The following GOLM1 variants were observed in gnomAD, a reference collection of about 807,000 sequenced individuals.
The protein encoded by GOLM1 is epididymis luminal protein 46.
GOLM1 carries 31 observed loss-of-function variants against 50.5 expected under a neutral mutation model. That is an observed-to-expected ratio of 0.61 (90% CI 0.46 to 0.83). The LOEUF is 0.83. Ranked by LOEUF, GOLM1 falls within the 40% of genes least tolerant of loss-of-function variation. The pLI is 0.00. For missense variants in GOLM1, 491 were observed against 501.3 expected (o/e 0.98, Z 0.20); for synonymous variants, 178 against 192.8 (o/e 0.92, Z 0.64).
intron 4 of GOLM1, among the ~76,000 whole-genome samples, chr9:86,049,394 C>T (rs573786745): frequency 6.6e-6 from 1 of 152,114 alleles, no homozygotes; most frequent in Non-Finnish European, 1.5e-5. Flanking sequence ...GTAGTTTTTT[C>T]CAATTCTGTG....
At chr9:86,045,725 G>T (rs920211531) in intron 5 of GOLM1, among the ~76,000 whole-genome samples, 5 of 149,352 alleles carry the variant, frequency 3.3e-5, no homozygotes, top group African/African-American at 1.2e-4. Context: ...CGTACATAAC[G>T]CAAGTAAAAA....
chr9:86,088,427 T>TATATATATATATATATATATATATATAC (rs1587741485), intron 1 of GOLM1, among the ~76,000 whole-genome samples: 1 of 102,180 alleles, frequency 9.8e-6, no homozygotes, highest in East Asian at 6.2e-4. Flanking sequence ...GGTGTATATA[T>TATATATATATATATATATATATATATAC]ATATATATAT....
chr9:86,064,972 A>T (rs751337869), intron 3 of GOLM1, among the ~76,000 whole-genome samples: 1 of 152,200 alleles, frequency 6.6e-6, no homozygotes, highest in Non-Finnish European at 1.5e-5. Context: ...GGAGGCTAGA[A>T]TGTGGAACAG....
intron 3 of GOLM1, among the ~76,000 whole-genome samples, chr9:86,053,682 CCA>C (rs1564347599): frequency 6.3e-5 from 8 of 126,700 alleles, no homozygotes; most frequent in East Asian, 2.0e-4. Flanking sequence ...GCACACCACT[CCA>C]CACACACCAC....
chr9:86,029,136 C>T (rs1832888614), intron 9 of GOLM1, among the ~76,000 whole-genome samples: 1 of 152,120 alleles, frequency 6.6e-6, no homozygotes, highest in Non-Finnish European at 1.5e-5. Flanking sequence ...GGATTACAAG[C>T]GTGAGCAACC....
intron 3 of GOLM1, among the ~76,000 whole-genome samples, chr9:86,058,830 C>G: frequency 6.6e-6 from 1 of 152,010 alleles, no homozygotes; most frequent in South Asian, 2.1e-4. Flanking sequence ...AACCCCATCT[C>G]TACTAAAACT....
rs1554780976 is a variant in GOLM1 at position 86,026,542 on chromosome 9, A to G, written c.*1275T>C. 3.4e-6 allele frequency: 3 copies of G among 884,388 alleles called. No individual in the cohort carries two copies. The allele number at this position is 884,388 out of a possible 1,614,324, so 54.8% of individuals were successfully genotyped here. On this transcript the variant is annotated 3_prime_UTR_variant, in exon 10 of 10. Coordinates refer to ENST00000388712, the MANE Select transcript of GOLM1 (RefSeq NM_016548.4). ...AGGCCCCATTTTCCCCTCTGAAAAT[A>G]AGAGGGTTGGATCAAACGATCTCTG...
intron 5 of GOLM1, among the ~76,000 whole-genome samples, chr9:86,042,170 C>T (rs1413117888): frequency 6.6e-6 from 1 of 152,212 alleles, no homozygotes; most frequent in African/African-American, 2.4e-5. Flanking sequence ...ATTGCTATTG[C>T]ATTGCTTCAG....
chr9:86,071,740 A>T (rs563541790), intron 3 of GOLM1, among the ~76,000 whole-genome samples: 3 of 152,278 alleles, frequency 2.0e-5, no homozygotes, highest in Non-Finnish European at 4.4e-5. Flanking sequence ...TAACACTCTA[A>T]TATTTTTAGT....
intron 8 of GOLM1, chr9:86,034,935 A>G (rs1411902448): frequency 1.2e-6 from 1 of 841,738 alleles, no homozygotes; most frequent in Non-Finnish European, 1.4e-6. Context: ...CAATGTTCAC[A>G]TATGCATTAA....
chr9:86,090,864 T>C (rs1835163061), intron 1 of GOLM1, among the ~76,000 whole-genome samples: 1 of 151,174 alleles, frequency 6.6e-6, no homozygotes, highest in Admixed American at 6.6e-5. Flanking sequence ...AGTTTTGTGC[T>C]TGAAACCCAG....
chr9:86,090,432 C>T (rs1477720186), intron 1 of GOLM1, among the ~76,000 whole-genome samples: 10 of 152,120 alleles, frequency 6.6e-5, no homozygotes, highest in Admixed American at 6.6e-4. Flanking sequence ...TTCAGAGATG[C>T]CCTGCTCAGA....
At chr9:86,040,532 C>T (rs1833306509) in intron 6 of GOLM1, among the ~76,000 whole-genome samples, 1 of 152,172 alleles carries the variant, frequency 6.6e-6, no homozygotes, top group African/African-American at 2.4e-5. Flanking sequence ...CCCGTAAAGC[C>T]CTGAGCTTGT....
intron 3 of GOLM1, among the ~76,000 whole-genome samples, chr9:86,071,015 T>C (rs1043240752): frequency 1.3e-5 from 2 of 151,972 alleles, no homozygotes; most frequent in African/African-American, 4.8e-5. Context: ...CTTTTGACCA[T>C]GACCCACAAT....
intron 3 of GOLM1, among the ~76,000 whole-genome samples, chr9:86,061,534 A>G (rs551898807): frequency 6.6e-6 from 1 of 152,348 alleles, no homozygotes; most frequent in South Asian, 2.1e-4. Flanking sequence ...AGGGCAGCAG[A>G]GGGAAGACCG....
intron 1 of GOLM1, among the ~76,000 whole-genome samples, chr9:86,091,623 A>C (rs1478527296): frequency 6.6e-6 from 1 of 152,180 alleles, no homozygotes; most frequent in Non-Finnish European, 1.5e-5. Flanking sequence ...CAGTGGTACA[A>C]TCATGGCTCA....
chr9:86,099,631 G>A (rs1269893329), upstream of GOLM1: 2 of 149,448 alleles, frequency 1.3e-5, no homozygotes, highest in Non-Finnish European at 3.0e-5. Flanking sequence ...CGCCGCGAGC[G>A]CGGAGAAGCG....
intron 4 of GOLM1, among the ~76,000 whole-genome samples, chr9:86,048,193 G>C (rs1833618645): frequency 6.6e-6 from 1 of 151,998 alleles, no homozygotes; most frequent in African/African-American, 2.4e-5. Flanking sequence ...TCCCTACAAA[G>C]GACATAAACT....
At chr9:86,089,916 T>C (rs1005445101) in intron 1 of GOLM1, among the ~76,000 whole-genome samples, 5 of 152,204 alleles carry the variant, frequency 3.3e-5, no homozygotes, top group Admixed American at 6.5e-5. Context: ...GTCTTTGATA[T>C]TGGTGAACTT....
Sources: gnomAD v4.1 joint callset for allele counts (sites outside exome capture counted in the v4.1 genomes callset) on GRCh38, gnomAD v4.1.1 for gene constraint, MANE v1.5 for transcripts, NCBI Gene and HGNC (gene_info 2026-07-23, HGNC 2026-07-21) for gene names.